Variants in STARD6 observed in about 807,000 individuals in gnomAD.
STARD6 encodes stAR-related lipid transfer protein 6.
STARD6 carries 21 observed loss-of-function variants against 22.3 expected under a neutral mutation model. The ratio of observed to expected loss-of-function variants is 0.94; its 90% CI spans 0.67 to 1.35. The LOEUF is 1.35. Ranked by LOEUF, STARD6 falls within the 40% of genes most tolerant of loss-of-function variation. STARD6 has a pLI of 0.00. For missense variants in STARD6, 269 were observed against 266.9 expected (o/e 1.01, Z -0.05); for synonymous variants, 80 against 88.1 (o/e 0.91, Z 0.52).
chr18:54,342,423 GTCTCCCTCTCCC>G (rs373944026), intron 4 of STARD6, among the ~76,000 whole-genome samples: 1,607 of 118,272 alleles, frequency 0.014, 65 homozygotes, highest in Admixed American at 0.016. Context: ...AATGCTCTCC[GTCTCCCTCTCCC>G]TCTCCCTCTC....
intron 5 of STARD6, among the ~76,000 whole-genome samples, chr18:54,334,314 T>C (rs2088890604): frequency 6.6e-6 from 1 of 152,226 alleles, no homozygotes; most frequent in African/African-American, 2.4e-5. Context: ...TTTTTGCTGA[T>C]TTCTTTCTTA....
Position 54,354,069 on chromosome 18 carries a change from T to G in STARD6, c.125A>C (p.Lys42Thr). 1 of 1,566,992 alleles carries G rather than the reference T, an allele frequency of 6.4e-7. No individual in the cohort carries two copies. The highest frequency in any genetic ancestry group is 8.7e-7 in the Non-Finnish European group (1 of 1,155,296). Residue 42 changes from lysine (K) to threonine (T), a missense_variant, in exon 4 of 8, where the codon AAA (lysine) becomes ACA (threonine). Lys to Thr is a moderately conservative substitution (Grantham distance 78, BLOSUM62 -1). Coordinates refer to ENST00000307844, the MANE Select transcript of STARD6 (RefSeq NM_139171.2). ...KITVSSKASRKFHGNLYRVEG... is the reference protein window; with the variant it reads ...KITVSSKASRTFHGNLYRVEG... The stretch of plus-strand genomic sequence containing the variant: ...TTGTACTCACAGATTTCCATGGAAT[T>G]TTCTAGAAGCCTTACTGGAAACAGT...
rs1187708264 is a variant in STARD6, at chr18:54,354,613, T to C, written c.-4-36A>G. On this transcript the variant is annotated intron_variant, in intron 2 of 7. Coordinates refer to ENST00000307844, the MANE Select transcript of STARD6 (RefSeq NM_139171.2). Reference sequence around the variant, plus strand: ...TAAAAACAAACAACTGGTAAGAATATAACCATATAAAAACTTAAAAAGTGC... The same window carrying C: ...TAAAAACAAACAACTGGTAAGAATACAACCATATAAAAACTTAAAAAGTGC... 2.0e-6 allele frequency: 3 copies of C among 1,477,322 alleles called. No individual in the cohort carries two copies. In the South Asian group the frequency reaches 3.6e-5, roughly 18 times the overall value. The allele number at this position is 1,477,322 out of a possible 1,614,324, so 91.5% of individuals were successfully genotyped here.
chr18:54,348,275 T>C (rs2089057641), intron 4 of STARD6, among the ~76,000 whole-genome samples: 1 of 152,172 alleles, frequency 6.6e-6, no homozygotes, highest in African/African-American at 2.4e-5. Context: ...GAAGGTAGAA[T>C]AGAGGATTAA....
At chr18:54,337,290 AG>A in intron 4 of STARD6, 39 bp from the exon 5 acceptor site, 2 of 1,588,738 alleles carry the variant, frequency 1.3e-6, no homozygotes, top group Non-Finnish European at 1.7e-6. Context: ...AAGCTTAAAA[AG>A]TTTAGTCTAA....
chr18:54,353,195 GGAATT>G (rs1048890119), intron 4 of STARD6, among the ~76,000 whole-genome samples: 5 of 152,010 alleles, frequency 3.3e-5, no homozygotes, highest in African/African-American at 9.7e-5. Flanking sequence ...CAAAAGAAAA[GGAATT>G]GAATAAAATT....
chr18:54,332,719 A>C (rs985695720), intron 5 of STARD6, among the ~76,000 whole-genome samples: 1 of 152,156 alleles, frequency 6.6e-6, no homozygotes. Context: ...TCTCTCCCTC[A>C]CCAGTAGGTT....
intron 4 of STARD6, among the ~76,000 whole-genome samples, chr18:54,352,140 T>G (rs1190247940): frequency 6.6e-6 from 1 of 151,708 alleles, no homozygotes; most frequent in Admixed American, 6.6e-5. Context: ...TTTTTTTTTT[T>G]CAGATTTTCT....
At chr18:54,355,007 A>G (rs1657894) in intron 2 of STARD6, among the ~76,000 whole-genome samples, 10,323 of 152,276 alleles carry the variant, frequency 0.068, 407 homozygotes, top group African/African-American at 0.09. Context: ...GTTTAATCAC[A>G]CGTCCTTTGT....
chr18:54,337,868 A>G (rs1172210409), intron 4 of STARD6, among the ~76,000 whole-genome samples: 1 of 152,234 alleles, frequency 6.6e-6, no homozygotes, highest in Non-Finnish European at 1.5e-5. Context: ...GTGAACAATT[A>G]GAAGGCCAAT....
At chr18:54,341,805 TA>T (rs2088971644) in intron 4 of STARD6, among the ~76,000 whole-genome samples, 1 of 152,158 alleles carries the variant, frequency 6.6e-6, no homozygotes, top group Non-Finnish European at 1.5e-5. Context: ...TAAATGTCTA[TA>T]TTTTTTAAAA....
At chr18:54,329,097 A>T (rs1394402033) in intron 7 of STARD6, among the ~76,000 whole-genome samples, 1 of 152,166 alleles carries the variant, frequency 6.6e-6, no homozygotes, top group African/African-American at 2.4e-5. Flanking sequence ...AACTGCTGGG[A>T]AATGTTTGTG....
chr18:54,339,685 G>T (rs1346986417), intron 4 of STARD6, among the ~76,000 whole-genome samples: 1 of 152,128 alleles, frequency 6.6e-6, no homozygotes, highest in Admixed American at 6.6e-5. Context: ...TAAAAACAGA[G>T]AATTTATTGG....
intron 3 of STARD6, 58 bp downstream of exon 3, chr18:54,354,426 T>A (rs766780740): frequency 2.3e-5 from 33 of 1,430,628 alleles, no homozygotes; most frequent in Non-Finnish European, 3.2e-5. Flanking sequence ...GTCTTTACAA[T>A]GAATTGTTTC....
intron 5 of STARD6, among the ~76,000 whole-genome samples, chr18:54,334,766 A>G (rs1007440829): frequency 2.0e-5 from 3 of 152,076 alleles, no homozygotes; most frequent in Non-Finnish European, 4.4e-5. Context: ...TATCCTACAT[A>G]ACACTTATTC....
At chr18:54,343,781 GC>G (rs1390553851) in intron 4 of STARD6, among the ~76,000 whole-genome samples, 1 of 76,154 alleles carries the variant, frequency 1.3e-5, no homozygotes, top group Non-Finnish European at 2.8e-5. Flanking sequence ...GGGGGGGTCA[GC>G]CCCCCTGCCC....
At chr18:54,337,291 GT>G (rs764928608) in intron 4 of STARD6, 40 bp from the exon 5 acceptor site, 2 of 1,587,400 alleles carry the variant, frequency 1.3e-6, no homozygotes, top group Non-Finnish European at 1.7e-6. Flanking sequence ...AGCTTAAAAA[GT>G]TTAGTCTAAG....
intron 7 of STARD6, among the ~76,000 whole-genome samples, chr18:54,326,326 C>CTTTTTTTT (rs11353724): frequency 2.5e-5 from 3 of 120,272 alleles, no homozygotes; most frequent in Non-Finnish European, 3.4e-5. Flanking sequence ...GCTGACAGGT[C>CTTTTTTTT]TTTTTTTTTT....
chr18:54,354,471 C>T lies in STARD6; in HGVS notation c.90+13G>A, dbSNP rs7242085. 650,393 of 1,577,146 alleles carry T rather than the reference C, an allele frequency of 0.41. 140,286 individuals carry two copies. The highest frequency in any genetic ancestry group is 0.71 in the East Asian group (31,551 of 44,672). On this transcript the variant is annotated intron_variant, in intron 3 of 7. Transcript: ENST00000307844. ...AACAAAGTCTTGAAACATAATTTAA[C>T]TTATTTTCTTACTGAAGTTTTAACC...
Sources: gnomAD v4.1 joint callset for allele counts (sites outside exome capture counted in the v4.1 genomes callset) on GRCh38, gnomAD v4.1.1 for gene constraint, MANE v1.5 for transcripts, NCBI Gene and HGNC (gene_info 2026-07-23, HGNC 2026-07-21) for gene names.